Variants in SMAD3 observed in about 807,000 individuals in gnomAD.
SMAD3 encodes MAD homolog 3.
SMAD3 carries 12 observed loss-of-function variants against 51.8 expected under a neutral mutation model. The observed-to-expected ratio is 0.23, with a 90% CI of 0.15 to 0.38. The LOEUF is 0.38. Ranked by LOEUF, SMAD3 falls within the 10% of genes least tolerant of loss-of-function variation. The pLI, the probability that SMAD3 is intolerant of heterozygous loss-of-function variation, is 1.00. For synonymous variants in SMAD3, 238 were observed against 227.7 expected, an observed-to-expected ratio of 1.05 and a Z score of -0.41; for missense variants, 294 against 565.6, an observed-to-expected ratio of 0.52 and a Z score of 4.87.
chr15:67,147,833 C>A (rs536230782), intron 1 of SMAD3, among the ~76,000 whole-genome samples: 17 of 152,142 alleles, frequency 1.1e-4, no homozygotes, highest in Non-Finnish European at 2.1e-4. Flanking sequence ...CAATTTAATT[C>A]CTTTATATCC....
intron 8 of SMAD3, among the ~76,000 whole-genome samples, chr15:67,188,132 GTTTCTT>G (rs1294732261): frequency 1.4e-5 from 2 of 140,568 alleles, no homozygotes; most frequent in South Asian, 2.5e-4. Context: ...CTACATACTG[GTTTCTT>G]TTTCTTTTTC....
At chr15:67,156,290 T>C (rs1962281771) in intron 1 of SMAD3, among the ~76,000 whole-genome samples, 1 of 152,240 alleles carries the variant, frequency 6.6e-6, no homozygotes, top group Non-Finnish European at 1.5e-5. Flanking sequence ...TTTTGAGTTA[T>C]TAATGTGCTA....
At chr15:67,081,369 G>A (rs1437066800) in intron 1 of SMAD3, among the ~76,000 whole-genome samples, 1 of 152,122 alleles carries the variant, frequency 6.6e-6, no homozygotes, top group Non-Finnish European at 1.5e-5. Flanking sequence ...TCTTACCCTT[G>A]CCAGCCTCCC....
At chr15:67,146,303 G>T (rs895615013) in intron 1 of SMAD3, among the ~76,000 whole-genome samples, 7 of 152,232 alleles carry the variant, frequency 4.6e-5, no homozygotes, top group Admixed American at 2.6e-4. Flanking sequence ...CACATAGTAG[G>T]CCTGTAGTAA....
intron 8 of SMAD3, among the ~76,000 whole-genome samples, chr15:67,188,962 A>T (rs976416177): frequency 1.3e-5 from 2 of 152,178 alleles, no homozygotes; most frequent in African/African-American, 4.8e-5. Flanking sequence ...GTGTCTCTGA[A>T]ATCCAGGAGT....
At chr15:67,083,605 G>A (rs1960322491) in intron 1 of SMAD3, among the ~76,000 whole-genome samples, 1 of 152,152 alleles carries the variant, frequency 6.6e-6, no homozygotes, top group East Asian at 1.9e-4. Flanking sequence ...CAGAATTGCA[G>A]TTCAAACTAC....
At chr15:67,169,337 A>C (rs1962679664) in intron 4 of SMAD3, among the ~76,000 whole-genome samples, 1 of 152,064 alleles carries the variant, frequency 6.6e-6, no homozygotes, top group South Asian at 2.1e-4. Flanking sequence ...GCCCTCAAGG[A>C]GGTTACAGCT....
intron 1 of SMAD3, among the ~76,000 whole-genome samples, chr15:67,120,527 C>T (rs1013704888): frequency 1.3e-5 from 2 of 152,140 alleles, no homozygotes; most frequent in African/African-American, 2.4e-5. Context: ...TGATGAACGC[C>T]ATAATCTAAG....
intron 1 of SMAD3, among the ~76,000 whole-genome samples, chr15:67,080,548 A>G (rs1960258993): frequency 6.6e-6 from 1 of 152,206 alleles, no homozygotes; most frequent in Non-Finnish European, 1.5e-5. Context: ...AATGGCCAAG[A>G]GCAGAGACTT....
In SMAD3 at chr15:67,144,174, C is replaced by G. The variant is rs74455222; in HGVS notation, c.207-20721C>G. ...ATCTTGTTTGCCTGCTGCCCCCATC[C>G]CTAGGCATCCACTGATCTGCTGTTA... On this transcript the variant is annotated intron_variant, in intron 1 of 8. Coordinates refer to ENST00000327367, the MANE Select transcript of SMAD3 (RefSeq NM_005902.4). 3.9e-3 allele frequency among the ~76,000 whole-genome samples: 589 copies of G among 152,196 alleles called. 12 individuals are homozygous for G. The East Asian group carries it at 0.049, about 13-fold the overall frequency.
Position 67,191,034 on chromosome 15 carries a change from A to AGG in SMAD3, c.*499_*500insGG. ...CTCTTCCAGTGAACATTCCCAGCCC[A>AGG]GCCCCGCCCCGCCCCGCCCCACCAC... On this transcript the variant is annotated 3_prime_UTR_variant, in exon 9 of 9. Transcript: ENST00000327367. The AGG allele has an allele frequency of 4.9e-6, 1 of 205,964 alleles. No individual in the cohort carries two copies. Among genetic ancestry groups the AGG allele is most frequent in the Non-Finnish European group, 9.7e-6 (1 of 103,442 alleles). 12.8% of individuals were successfully genotyped at this position (205,964 alleles called of 1,614,324 possible). A position where few individuals can be genotyped will look rare whatever the true frequency, so the allele number is the denominator to read the frequency against.
Position 67,195,136 on chromosome 15 carries a change from G to A in SMAD3, c.*4600G>A. On this transcript the variant is annotated 3_prime_UTR_variant, in exon 9 of 9. Transcript: ENST00000327367. ...TCCTCTCATTCCCTCTCTTCCTCTT[G>A]TAAGTGCCCTTCTAATAAACTTTTC... is the stretch of plus-strand genomic sequence containing the variant. 4.3e-6 allele frequency: 1 copy of A among 233,080 alleles called. No homozygotes were observed. The highest frequency in any genetic ancestry group is 6.0e-5 in the East Asian group (1 of 16,646). 14.4% of individuals were successfully genotyped at this position (233,080 alleles called of 1,614,324 possible).
intron 1 of SMAD3, among the ~76,000 whole-genome samples, chr15:67,088,126 C>T (rs1005939383): frequency 1.3e-5 from 2 of 152,178 alleles, no homozygotes; most frequent in African/African-American, 4.8e-5. Flanking sequence ...ACCTTTATCG[C>T]AGGAGGAGTG....
chr15:67,069,967 G>A (rs1478164224), intron 1 of SMAD3, among the ~76,000 whole-genome samples: 1 of 152,180 alleles, frequency 6.6e-6, no homozygotes, highest in Non-Finnish European at 1.5e-5. Flanking sequence ...GCCTGCCAAA[G>A]TGCTGGGATT....
At chr15:67,091,860 C>G (rs767069489) in intron 1 of SMAD3, among the ~76,000 whole-genome samples, 1 of 152,102 alleles carries the variant, frequency 6.6e-6, no homozygotes, top group Non-Finnish European at 1.5e-5. Flanking sequence ...GAATTTAATA[C>G]GGGACCTTGG....
intron 1 of SMAD3, among the ~76,000 whole-genome samples, chr15:67,109,954 A>G (rs1426855038): frequency 6.6e-6 from 1 of 152,214 alleles, no homozygotes; most frequent in East Asian, 1.9e-4. Context: ...CAGCGGGGGA[A>G]ACCAACTCAG....
At position 67,190,667 on chromosome 15, in the gene SMAD3, C is replaced by A; in HGVS notation, c.*131C>A. ...TCTTTCTCCCTCAACTGAAGGGGTG[C>A]ACCCACCTGTTTTCTGAAACACACG... On this transcript the variant is annotated 3_prime_UTR_variant, in exon 9 of 9. Transcript: ENST00000327367. 1 of 940,388 alleles carries A rather than the reference C, an allele frequency of 1.1e-6. No individual in the cohort carries two copies. The highest frequency in any genetic ancestry group is 1.6e-6 in the Non-Finnish European group (1 of 609,814). The allele number at this position is 940,388 out of a possible 1,614,324, so 58.3% of individuals were successfully genotyped here.
At chr15:67,184,689 C>CAA in intron 6 of SMAD3, 38 bp from the exon 7 acceptor site, 1 of 1,613,246 alleles carries the variant, frequency 6.2e-7, no homozygotes, top group South Asian at 1.1e-5. Flanking sequence ...TGTGTGTGAG[C>CAA]AAAGGCACCC....
intron 1 of SMAD3, among the ~76,000 whole-genome samples, chr15:67,076,409 G>A (rs914053737): frequency 2.6e-5 from 4 of 152,222 alleles, no homozygotes; most frequent in East Asian, 1.9e-4. Flanking sequence ...ATAGCTGCCC[G>A]TAAGTGCATG....
Sources: allele counts gnomAD v4.1 joint callset (sites outside exome capture counted in the v4.1 genomes callset), GRCh38; gene constraint gnomAD v4.1.1; transcripts MANE v1.5; gene names NCBI Gene and HGNC (gene_info 2026-07-23, HGNC 2026-07-21).